CDKN2A: variants seen among roughly 807,000 people sequenced by gnomAD.
The protein encoded by CDKN2A is cyclin-dependent kinase inhibitor 2A.
Under a neutral mutation model 11.1 loss-of-function variants are expected in CDKN2A, and 3 were observed. The observed-to-expected ratio is 0.27, with a 90% CI of 0.12 to 0.70. CDKN2A has a LOEUF of 0.70. CDKN2A is among the 30% of genes least tolerant of loss of function. CDKN2A has a pLI of 0.77. For synonymous variants in CDKN2A, 122 were observed against 108.1 expected (o/e 1.13, Z -0.80); for missense variants, 265 against 233.6 (o/e 1.13, Z -0.88).
chr9:21,983,911 G>T (rs1469411545), intron 2 of CDKN2A, among the ~76,000 whole-genome samples: 1 of 151,918 alleles, frequency 6.6e-6, no homozygotes, highest in Non-Finnish European at 1.5e-5. Flanking sequence ...GCTTGAATAA[G>T]TTATGTAAAC....
At chr9:21,969,175 G>A (rs1819567763) in intron 2 of CDKN2A, among the ~76,000 whole-genome samples, 1 of 152,184 alleles carries the variant, frequency 6.6e-6, no homozygotes, top group Admixed American at 6.5e-5. Flanking sequence ...AGGAGGAGGA[G>A]GGGGGATGAT....
exon 2 of CDKN2A, chr9:21,994,016 C>T (rs1820516871): frequency 9.0e-7 from 1 of 1,109,564 alleles, no homozygotes; most frequent in Non-Finnish European, 1.3e-6. Context: ...ATGGGGAAGC[C>T]TCCACCGGCG....
At chr9:21,984,983 C>T (rs537530099) in intron 2 of CDKN2A, among the ~76,000 whole-genome samples, 1 of 152,030 alleles carries the variant, frequency 6.6e-6, no homozygotes, top group East Asian at 1.9e-4. Flanking sequence ...ACATTCTTCA[C>T]CTGATATGTG....
chr9:21,971,194 G>A lies in CDKN2A; in HGVS notation c.165C>T (p.Gly55=). 2 of 1,597,656 alleles carry A rather than the reference G, an allele frequency of 1.3e-6. No homozygotes were observed. Among genetic ancestry groups the A allele is most frequent in the Non-Finnish European group, 1.7e-6 (2 of 1,178,874 alleles). Residue 55 remains glycine, a synonymous_variant, in exon 2 of 3, where the codon GGC becomes GGT. Coordinates refer to ENST00000304494, the MANE Select transcript of CDKN2A (RefSeq NM_000077.5). ...GCAGCAGCTCCGCCACTCGGGCGCT[G>A]CCCATCATCATGACCTGCCAGAGAG... ...GRRPIQVMMM[G]SARVAELLLL... is the part of the protein sequence containing the mutation.
upstream of CDKN2A, among the ~76,000 whole-genome samples, chr9:21,977,083 G>A (rs1218727280): frequency 6.6e-6 from 1 of 152,124 alleles, no homozygotes; most frequent in East Asian, 1.9e-4. Context: ...TTTAAAACAT[G>A]TAGTTTTTAA....
chr9:21,967,874 A>G lies in CDKN2A; in HGVS notation c.*355T>C. The G allele has an allele frequency of 2.9e-6, 1 of 347,460 alleles. No homozygotes were observed. The allele number at this position is 347,460 out of a possible 1,614,324, so 21.5% of individuals were successfully genotyped here. A position where few individuals can be genotyped will look rare whatever the true frequency, so the allele number is the denominator to read the frequency against. ...TTCCCTAGTTCACAAAATGCTTGTC[A>G]TGAAGTCGACAGCTTCCGGAGGCTG... On this transcript the variant is annotated 3_prime_UTR_variant, in exon 3 of 3. Transcript: ENST00000304494.
At chr9:21,969,596 A>G (rs533774387) in intron 2 of CDKN2A, 1 of 396,362 alleles carries the variant, frequency 2.5e-6, no homozygotes, top group Admixed American at 4.4e-5. Flanking sequence ...TTTGGTTAAG[A>G]GTCGTTCAGT....
chr9:21,994,055 TAG>T (rs1287009436), intron 1 of CDKN2A: 1 of 1,455,246 alleles, frequency 6.9e-7, no homozygotes, highest in Non-Finnish European at 9.4e-7. Context: ...TAGCCTGGGC[TAG>T]AGACGAATTA....
upstream of CDKN2A, among the ~76,000 whole-genome samples, chr9:21,975,313 A>G (rs533633013): frequency 6.6e-6 from 1 of 152,256 alleles, no homozygotes; most frequent in South Asian, 2.1e-4. Context: ...CCGCGATACA[A>G]CCTTCCTAAC....
rs78147791 is a variant in CDKN2A, at chr9:21,970,827, T to C, written c.457+75A>G. 531 of 1,576,344 alleles carry C rather than the reference T, an allele frequency of 3.4e-4. 8 individuals are homozygous for C. The East Asian group carries it at 0.012, about 35-fold the overall frequency. On this transcript the variant is annotated intron_variant, in intron 2 of 2. Transcript: ENST00000304494. The stretch of plus-strand genomic sequence containing the variant: ...CGGAGACTGGTCTCCCGGGCTGAAC[T>C]TTCTGTGCTGGAAAATGAATGCTCT...
Position 21,968,540 on chromosome 9 carries a change from C to T in CDKN2A, c.458-298G>A, listed in dbSNP as rs1475702694. 3 of 1,450,314 alleles carry T rather than the reference C, an allele frequency of 2.1e-6. No individual in the cohort carries two copies. The African/African-American group carries it at 4.3e-5, about 21-fold the overall frequency. The allele number at this position is 1,450,314 out of a possible 1,614,324, so 89.8% of individuals were successfully genotyped here. A position where few individuals can be genotyped will look rare whatever the true frequency, so the allele number is the denominator to read the frequency against. On this transcript the variant is annotated intron_variant, in intron 2 of 2. Transcript: ENST00000304494. The surrounding 1 kb of genome is among the most constrained non-coding windows in gnomAD (Gnocchi z 4.7). Reference sequence around the variant, plus strand: ...GGCCCGCAGGGTTGCAAGAAGAAAACGAGTGTTATATAATGAGTCTCAGTG... The same window carrying T: ...GGCCCGCAGGGTTGCAAGAAGAAAATGAGTGTTATATAATGAGTCTCAGTG...
intron 2 of CDKN2A, among the ~76,000 whole-genome samples, chr9:21,990,823 A>T (rs1214655234): frequency 6.6e-6 from 1 of 152,210 alleles, no homozygotes; most frequent in Non-Finnish European, 1.5e-5. Context: ...GCTACTACTT[A>T]TCCATCTGTA....
At chr9:21,969,777 C>G (rs1403299149) in intron 2 of CDKN2A, 1 of 393,982 alleles carries the variant, frequency 2.5e-6, no homozygotes, top group African/African-American at 2.1e-5. Context: ...CTCCCGGGAC[C>G]TGGATGCTAG....
At chr9:21,977,401 G>A (rs535306205), upstream of CDKN2A, among the ~76,000 whole-genome samples, 34 of 152,236 alleles carry the variant, frequency 2.2e-4, no homozygotes, top group African/African-American at 7.9e-4. Flanking sequence ...CTGTTGCCCA[G>A]GCTGGAGTGA....
intron 1 of CDKN2A, chr9:21,994,444 C>A (rs1418650769): frequency 6.4e-7 from 1 of 1,564,336 alleles, no homozygotes; most frequent in Non-Finnish European, 8.6e-7. Context: ...CACGCACCGC[C>A]CCCTGCCCAT....
chr9:21,987,434 G>GCAC, intron 2 of CDKN2A, among the ~76,000 whole-genome samples: 1 of 113,174 alleles, frequency 8.8e-6, no homozygotes, highest in Non-Finnish European at 1.8e-5. Flanking sequence ...CACACACACA[G>GCAC]AGAGAGAGAG....
In CDKN2A at chr9:21,969,166, G is replaced by C. The variant is rs565203351; in HGVS notation, c.458-924C>G. Among the ~76,000 whole-genome samples, 31 of 152,282 alleles carry C rather than the reference G, an allele frequency of 2.0e-4. No homozygotes were observed. The South Asian group carries it at 2.3e-3, about 11-fold the overall frequency. On this transcript the variant is annotated intron_variant, in intron 2 of 2. Transcript: ENST00000304494. ...TTGGGACTGTAATCCCAGTACTTTA[G>C]GAGGAGGAGGGGGGATGATCGCTTG...
At position 21,968,302 on chromosome 9, in the gene CDKN2A, T is replaced by C; in HGVS notation, c.458-60A>G. The stretch of plus-strand genomic sequence containing the variant: ...CCTGAGGTCAAAGATGTGTGGCACA[T>C]CCCGCCCTCCTCTCTTGCCGTCCCT... On this transcript the variant is annotated intron_variant, in intron 2 of 2. Coordinates refer to ENST00000304494, the MANE Select transcript of CDKN2A (RefSeq NM_000077.5). This position sits in a 1 kb window ranked among gnomAD's most constrained non-coding sequence, Gnocchi z 4.7. 6.3e-7 allele frequency: 1 copy of C among 1,591,208 alleles called. No individual in the cohort carries two copies. The highest frequency in any genetic ancestry group is 8.6e-7 in the Non-Finnish European group (1 of 1,159,912).
rs1820589318 is a variant in CDKN2A at position 21,995,178 on chromosome 9, C to T, written c.-533G>A. 6.6e-6 allele frequency: 1 copy of T among 152,226 alleles called. No individual in the cohort carries two copies. The highest frequency in any genetic ancestry group is 1.5e-5 in the Non-Finnish European group (1 of 68,056). The allele number at this position is 152,226 out of a possible 1,614,324, so 9.4% of individuals were successfully genotyped here. Reference sequence around the variant, plus strand: ...CCGGACTAGGTAGGTGGAGTCGCACCCGGGGGTCCCAGCTGGGTCCGGGCG... The same window carrying T: ...CCGGACTAGGTAGGTGGAGTCGCACTCGGGGGTCCCAGCTGGGTCCGGGCG... On this transcript the variant is annotated 5_prime_UTR_variant, in exon 1 of 4. Coordinates refer to the CDKN2A transcript ENST00000494262. This position sits in a 1 kb window ranked among gnomAD's most constrained non-coding sequence, Gnocchi z 5.7.
Sources: allele counts gnomAD v4.1 joint callset (sites outside exome capture counted in the v4.1 genomes callset), GRCh38; gene constraint gnomAD v4.1.1; non-coding constraint Gnocchi (gnomAD v3.1); transcripts MANE v1.5; gene names NCBI Gene and HGNC (gene_info 2026-07-23, HGNC 2026-07-21).